PCDH7: variants seen among roughly 807,000 people sequenced by gnomAD.
PCDH7 encodes protocadherin-7.
In PCDH7, 17 loss-of-function variants were observed where a neutral mutation model predicts 58.9. The ratio of observed to expected loss-of-function variants is 0.29; its 90% confidence interval spans 0.20 to 0.43. The LOEUF is 0.43. Ranked by LOEUF, PCDH7 falls within the 20% of genes least tolerant of loss-of-function variation. The probability of loss-of-function intolerance (pLI) is 1.00; values close to 1 mark genes in which losing one functional copy is unlikely to be tolerated. For synonymous variants in PCDH7, 664 were observed against 616.4 expected (o/e 1.08, Z -1.14); for missense variants, 1,274 against 1,441.0 (o/e 0.88, Z 1.88).
At chr4:30,817,528 C>G (rs951248111) in intron 1 of PCDH7, among the ~76,000 whole-genome samples, 16 of 152,230 alleles carry the variant, frequency 1.1e-4, no homozygotes, top group African/African-American at 3.9e-4. Context: ...GAAATATATA[C>G]ATAAGAATGA....
chr4:31,119,150 G>A (rs1578847233), intron 3 of PCDH7, among the ~76,000 whole-genome samples: 1 of 152,004 alleles, frequency 6.6e-6, no homozygotes, highest in South Asian at 2.1e-4. Flanking sequence ...TTCATGATGG[G>A]AAATGATTGA....
intron 3 of PCDH7, among the ~76,000 whole-genome samples, chr4:31,117,293 G>A (rs1040158743): frequency 2.0e-5 from 3 of 152,102 alleles, no homozygotes; most frequent in Admixed American, 1.3e-4. Flanking sequence ...CTAATTACCT[G>A]GGCTAAACTC....
At chr4:30,781,697 C>T (rs779279438) in intron 1 of PCDH7, among the ~76,000 whole-genome samples, 12 of 151,796 alleles carry the variant, frequency 7.9e-5, no homozygotes, top group African/African-American at 1.5e-4. Flanking sequence ...CCACCATGCC[C>T]GGCTAATTTT....
chr4:31,004,698 C>T (rs938608202), intron 3 of PCDH7, among the ~76,000 whole-genome samples: 2 of 152,000 alleles, frequency 1.3e-5, no homozygotes, highest in Non-Finnish European at 2.9e-5. Flanking sequence ...AAAAGAATGA[C>T]GACAGTAATA....
intron 3 of PCDH7, among the ~76,000 whole-genome samples, chr4:31,083,253 A>T (rs1711852999): frequency 6.6e-6 from 1 of 152,194 alleles, no homozygotes; most frequent in Non-Finnish European, 1.5e-5. Flanking sequence ...AAAGCTATTG[A>T]AATAAAATTT....
intron 2 of PCDH7, among the ~76,000 whole-genome samples, chr4:30,934,241 G>C (rs10000401): frequency 0.69 from 105,590 of 151,978 alleles, 36,722 homozygotes; most frequent in East Asian, 0.78. Flanking sequence ...CTACGTCTGA[G>C]TATTATCTAT....
At chr4:30,735,435 A>G (rs1206470736), downstream of PCDH7, among the ~76,000 whole-genome samples, 1 of 152,168 alleles carries the variant, frequency 6.6e-6, no homozygotes, top group Non-Finnish European at 1.5e-5. Context: ...TTGAGAGCAG[A>G]GCGATGCCTT....
chr4:31,095,154 T>G (rs1713799043), intron 3 of PCDH7, among the ~76,000 whole-genome samples: 2 of 152,188 alleles, frequency 1.3e-5, no homozygotes, highest in East Asian at 1.9e-4. Context: ...GCTTTAAATA[T>G]CTCTGGCACC....
At chr4:30,805,436 G>A (rs1326183629) in intron 1 of PCDH7, among the ~76,000 whole-genome samples, 2 of 152,146 alleles carry the variant, frequency 1.3e-5, no homozygotes, top group Admixed American at 1.3e-4. Flanking sequence ...ACTTCATGGG[G>A]TTTTGGGGAG....
chr4:31,063,019 T>C (rs929318856), intron 3 of PCDH7, among the ~76,000 whole-genome samples: 1 of 151,834 alleles, frequency 6.6e-6, no homozygotes, highest in Non-Finnish European at 1.5e-5. Flanking sequence ...ATATAGTATA[T>C]GTGCTAAATT....
intron 1 of PCDH7, among the ~76,000 whole-genome samples, chr4:30,796,791 TA>T (rs1724833752): frequency 6.6e-6 from 1 of 152,196 alleles, no homozygotes; most frequent in Non-Finnish European, 1.5e-5. Context: ...ATTTTCCAAC[TA>T]AATCTTATAA....
chr4:30,774,398 G>T (rs1439643193), intron 1 of PCDH7, among the ~76,000 whole-genome samples: 1 of 152,136 alleles, frequency 6.6e-6, no homozygotes, highest in Non-Finnish European at 1.5e-5. Flanking sequence ...GTTTATGTAT[G>T]TCAAAATTTT....
In PCDH7 at chr4:30,722,563, C is replaced by A. The variant is rs747892879; in HGVS notation, c.1141C>A (p.Leu381Met). ...GATCGACCGCGAGGAGGTGAACCAG[C>A]TGCGCTTCACGGTCATGGCCCGCGA... Residue 381 changes from leucine (L) to methionine (M), a missense_variant, in exon 1 of 2, where the codon CTG becomes ATG. Coordinates refer to ENST00000361762, the Ensembl canonical transcript of PCDH7. This position sits in a 1 kb window ranked among gnomAD's most constrained non-coding sequence, Gnocchi z 7.6. The A allele has an allele frequency of 6.2e-7, 1 of 1,612,800 alleles. No homozygotes were observed. The highest frequency in any genetic ancestry group is 1.1e-5 in the South Asian group (1 of 91,074).
At chr4:31,026,855 C>T (rs975734715) in intron 3 of PCDH7, among the ~76,000 whole-genome samples, 3 of 152,070 alleles carry the variant, frequency 2.0e-5, no homozygotes, top group African/African-American at 4.8e-5. Flanking sequence ...AAAAGAAATG[C>T]ATTCAGTGAT....
At chr4:30,907,390 A>T (rs1339386422) in intron 1 of PCDH7, among the ~76,000 whole-genome samples, 3 of 152,198 alleles carry the variant, frequency 2.0e-5, no homozygotes, top group African/African-American at 7.2e-5. Context: ...ATCTACAAGG[A>T]ACTTAAACAA....
At chr4:31,038,774 G>GA (rs1423742446) in intron 3 of PCDH7, among the ~76,000 whole-genome samples, 1 of 152,046 alleles carries the variant, frequency 6.6e-6, no homozygotes, top group Non-Finnish European at 1.5e-5. Flanking sequence ...TTCTTCTATT[G>GA]ATGGACATTA....
chr4:30,743,633 G>GA, intron 1 of PCDH7, among the ~76,000 whole-genome samples: 1 of 151,816 alleles, frequency 6.6e-6, no homozygotes, highest in East Asian at 1.9e-4. Flanking sequence ...GAAAAAACCT[G>GA]AAAAAATATC....
At chr4:30,876,903 C>T (rs1454067322) in intron 1 of PCDH7, among the ~76,000 whole-genome samples, 1 of 152,008 alleles carries the variant, frequency 6.6e-6, no homozygotes, top group Non-Finnish European at 1.5e-5. Context: ...TCTCTGTCCC[C>T]TTTCTACCCA....
intron 1 of PCDH7, among the ~76,000 whole-genome samples, chr4:30,821,808 TC>T (rs1728411817): frequency 6.6e-6 from 1 of 152,154 alleles, no homozygotes; most frequent in Non-Finnish European, 1.5e-5. Context: ...CTCAAACCCA[TC>T]CTTCTGCATA....
Sources: allele counts gnomAD v4.1 joint callset (sites outside exome capture counted in the v4.1 genomes callset), GRCh38; gene constraint gnomAD v4.1.1; non-coding constraint Gnocchi (gnomAD v3.1); transcripts MANE v1.5; gene names NCBI Gene and HGNC (gene_info 2026-07-23, HGNC 2026-07-21).